SCN11A: variants seen among roughly 807,000 people sequenced by gnomAD.
SCN11A encodes sodium voltage-gated channel alpha subunit 11.
Under a neutral mutation model 162.2 loss-of-function variants are expected in SCN11A, and 122 were observed. The ratio of observed to expected loss-of-function variants is 0.75; its 90% confidence interval spans 0.65 to 0.87. The LOEUF (loss-of-function observed/expected upper bound fraction) is 0.87, where lower values mean the gene tolerates loss of function less well. Among genes scored for constraint, SCN11A ranks in the 40% least tolerant of loss-of-function variants. The probability of loss-of-function intolerance (pLI) is 0.00; values close to 1 mark genes in which losing one functional copy is unlikely to be tolerated. For missense variants in SCN11A, 2,015 were observed against 2,181.6 expected (o/e 0.92, Z 1.52); for synonymous variants, 758 against 751.5 (o/e 1.01, Z -0.14).
chr3:38,937,166 C>T (rs1312094266), intron 7 of SCN11A, among the ~76,000 whole-genome samples: 2 of 151,828 alleles, frequency 1.3e-5, no homozygotes, highest in East Asian at 3.9e-4. Context: ...ACTGGCTAGC[C>T]ATATGTAGAA....
At chr3:38,963,399 T>TGATGGAG (rs2066757997) in intron 2 of SCN11A, among the ~76,000 whole-genome samples, 5 of 58,000 alleles carry the variant, frequency 8.6e-5, no homozygotes, top group African/African-American at 5.0e-4. Context: ...TGGAGATATA[T>TGATGGAG]ATATATATAT....
rs1370029948 is a variant in SCN11A at position 38,883,273 on chromosome 3, C to T, written c.3179G>A (p.Ser1060Asn). The change falls in exon 22 of 30, where the codon AGC (serine) becomes AAC (asparagine). Residue 1060 changes from serine to asparagine, a missense_variant. Transcript: ENST00000302328. ...CAGCAGAATCACAAAGATAATAAAGCTCTCAAACCAGCTGTGTTTCACTAT... is the reference window on the plus strand; with the variant it reads ...CAGCAGAATCACAAAGATAATAAAGTTCTCAAACCAGCTGTGTTTCACTAT... ...YQIVKHSWFE[S>N]FIIFVILLSS... 1.2e-6 allele frequency: 2 copies of T among 1,613,972 alleles called. No homozygotes were observed. Among genetic ancestry groups the T allele is most frequent in the Non-Finnish European group, 1.7e-6 (2 of 1,179,898 alleles).
chr3:39,016,208 G>C (rs1423191029), intron 2 of SCN11A, among the ~76,000 whole-genome samples: 1 of 152,226 alleles, frequency 6.6e-6, no homozygotes, highest in Admixed American at 6.5e-5. Flanking sequence ...TTTGAGGCAA[G>C]GAAAGGGGCT....
At chr3:38,857,558 G>A (rs1559489719) in intron 28 of SCN11A, among the ~76,000 whole-genome samples, 1 of 151,930 alleles carries the variant, frequency 6.6e-6, no homozygotes, top group Non-Finnish European at 1.5e-5. Flanking sequence ...GAAATCTAAA[G>A]TTCATAAAAC....
chr3:39,016,188 T>A (rs1286720324), intron 2 of SCN11A, among the ~76,000 whole-genome samples: 8 of 152,186 alleles, frequency 5.3e-5, no homozygotes, highest in African/African-American at 1.9e-4. Flanking sequence ...TGCCACAGAA[T>A]CTGTCCCACT....
At position 38,950,176 on chromosome 3, in the gene SCN11A, G is replaced by C. The variant is rs770054576; in HGVS notation, c.187C>G (p.Pro63Ala). The change falls in exon 5 of 30, where the codon CCC (proline) becomes GCC (alanine). Residue 63 changes from proline to alanine, a missense_variant. By Grantham distance (27) the Pro-to-Ala change is conservative. Coordinates refer to ENST00000302328, the MANE Select transcript of SCN11A (RefSeq NM_001349253.2). ...QLDLKASRKLPKLYGDIPREL... is the reference protein window; with the variant it reads ...QLDLKASRKLAKLYGDIPREL... ...CGAGGAATGTCGCCATAGAGCTTGG[G>C]CAACTTCCTGGAGGCCTTTAGGTCA... 2.5e-6 allele frequency: 4 copies of C among 1,612,832 alleles called. No homozygotes were observed. The highest frequency in any genetic ancestry group is 1.3e-5 in the African/African-American group (1 of 74,558).
chr3:38,896,306 ATC>A (rs2065596743), intron 18 of SCN11A, among the ~76,000 whole-genome samples: 1 of 152,100 alleles, frequency 6.6e-6, no homozygotes, highest in South Asian at 2.1e-4. Flanking sequence ...AAAGTACACC[ATC>A]TCTCAATTCG....
intron 26 of SCN11A, among the ~76,000 whole-genome samples, chr3:38,868,447 A>G (rs2065075237): frequency 6.6e-6 from 1 of 152,324 alleles, no homozygotes; most frequent in Middle Eastern, 3.4e-3. Context: ...TTAAAATAAA[A>G]TTGCCAAGTG....
chr3:39,012,072 T>C (rs2031155799), intron 2 of SCN11A, among the ~76,000 whole-genome samples: 1 of 152,184 alleles, frequency 6.6e-6, no homozygotes, highest in African/African-American at 2.4e-5. Flanking sequence ...ATGCCTGTAA[T>C]CTCAGCACTT....
At chr3:38,948,001 G>A (rs2066544016) in intron 5 of SCN11A, among the ~76,000 whole-genome samples, 1 of 152,224 alleles carries the variant, frequency 6.6e-6, no homozygotes, top group Non-Finnish European at 1.5e-5. Flanking sequence ...TGGCTCAGGT[G>A]CCAGAACGTC....
chr3:38,979,513 T>A (rs1003820441), intron 2 of SCN11A, among the ~76,000 whole-genome samples: 2 of 152,148 alleles, frequency 1.3e-5, no homozygotes, highest in African/African-American at 2.4e-5. Flanking sequence ...ATCTGTGTCA[T>A]CCCATTCACA....
At chr3:38,854,379 A>C (rs886779740) in intron 28 of SCN11A, among the ~76,000 whole-genome samples, 3 of 152,248 alleles carry the variant, frequency 2.0e-5, no homozygotes, top group Non-Finnish European at 4.4e-5. Context: ...GTAAGTATGC[A>C]TGACCTTAAC....
intron 2 of SCN11A, among the ~76,000 whole-genome samples, chr3:39,018,990 A>AATATAGTT (rs987211875): frequency 6.6e-6 from 1 of 152,104 alleles, no homozygotes; most frequent in Non-Finnish European, 1.5e-5. Context: ...CTTTGGGAGA[A>AATATAGTT]ATATAGTTCA....
At chr3:38,868,169 G>T (rs770159932) in intron 26 of SCN11A, among the ~76,000 whole-genome samples, 2 of 152,272 alleles carry the variant, frequency 1.3e-5, no homozygotes, top group East Asian at 3.9e-4. Flanking sequence ...GTGGCAAAAA[G>T]ATTTCACTTT....
rs1485613261 is a variant in SCN11A, at chr3:38,908,901, GC to G, written c.1299+95del. ...CCAGTAGAGAAAGCACTGAGACCAGGCCAAGGGTGGCAGCCTTGAGTCTCAG... is the reference window on the plus strand; with the variant it reads ...CCAGTAGAGAAAGCACTGAGACCAGGCAAGGGTGGCAGCCTTGAGTCTCAG... On this transcript the variant is annotated intron_variant, in intron 13 of 29. Transcript: ENST00000302328. The G allele has an allele frequency of 4.9e-6, 5 of 1,022,612 alleles. No individual in the cohort carries two copies. The African/African-American group carries it at 6.3e-5, about 13-fold the overall frequency. The allele number at this position is 1,022,612 out of a possible 1,614,324, so 63.3% of individuals were successfully genotyped here.
At chr3:39,003,301 A>G (rs1251388225) in intron 2 of SCN11A, among the ~76,000 whole-genome samples, 2 of 152,182 alleles carry the variant, frequency 1.3e-5, no homozygotes, top group Non-Finnish European at 2.9e-5. Context: ...CTGTTTCTGC[A>G]TTAGTTTACT....
intron 2 of SCN11A, among the ~76,000 whole-genome samples, chr3:39,020,707 C>A (rs1203648266): frequency 6.6e-6 from 1 of 152,158 alleles, no homozygotes; most frequent in African/African-American, 2.4e-5. Flanking sequence ...TCTCACAGTT[C>A]CTGCTCTTTC....
At chr3:39,045,801 A>G (rs1192356372) in intron 1 of SCN11A, among the ~76,000 whole-genome samples, 1 of 152,186 alleles carries the variant, frequency 6.6e-6, no homozygotes, top group Non-Finnish European at 1.5e-5. Flanking sequence ...TAGAGCATTT[A>G]GGCAAGATTA....
chr3:38,950,237 G>A lies in SCN11A; in HGVS notation c.126C>T (p.Asp42=). The A allele has an allele frequency of 6.2e-7, 1 of 1,613,966 alleles. No individual in the cohort carries two copies. Among genetic ancestry groups the A allele is most frequent in the South Asian group, 1.1e-5 (1 of 91,070 alleles). The change falls in exon 5 of 30, where the codon GAC becomes GAT. Residue 42 remains aspartate, a synonymous_variant. Coordinates refer to ENST00000302328, the MANE Select transcript of SCN11A (RefSeq NM_001349253.2). ...AIQKEKKKSK[D]QTGEVPQPRP... ...GAGGCTGGGGTACTTCTCCTGTCTG[G>A]TCTTTAGACTTCTTTTTCTCCTTTT...
Sources: gnomAD v4.1 joint callset for allele counts (sites outside exome capture counted in the v4.1 genomes callset) on GRCh38, gnomAD v4.1.1 for gene constraint, MANE v1.5 for transcripts, NCBI Gene and HGNC (gene_info 2026-07-23, HGNC 2026-07-21) for gene names.